BARD1: variants seen among roughly 807,000 people sequenced by gnomAD.
BARD1 encodes the protein BRCA1 associated RING domain 1, also known as BRCA1-associated RING domain protein 1.
Under a neutral mutation model 77.0 loss-of-function variants are expected in BARD1, and 73 were observed. The observed-to-expected ratio is 0.95, with a 90% CI of 0.79 to 1.15. BARD1 has a LOEUF of 1.15. Ranked by LOEUF, BARD1 falls within the 50% of genes most tolerant of loss-of-function variation. The pLI, the probability that BARD1 is intolerant of heterozygous loss-of-function variation, is 0.00. For synonymous variants in BARD1, 384 were observed against 338.0 expected (o/e 1.14, Z -1.49); for missense variants, 993 against 938.8 (o/e 1.06, Z -0.75).
At chr2:214,732,542 C>A (rs746534805) in intron 9 of BARD1, among the ~76,000 whole-genome samples, 1 of 152,062 alleles carries the variant, frequency 6.6e-6, no homozygotes, top group Non-Finnish European at 1.5e-5. Context: ...ACTACAGGCG[C>A]CCGCCACCAT....
chr2:214,782,146 C>T (rs1439091829), intron 3 of BARD1, among the ~76,000 whole-genome samples: 2 of 152,270 alleles, frequency 1.3e-5, no homozygotes, highest in East Asian at 3.9e-4. Flanking sequence ...AGACAATAGT[C>T]ATGACCCTTT....
intron 1 of BARD1, among the ~76,000 whole-genome samples, chr2:214,802,266 T>G (rs557063829): frequency 1.3e-5 from 2 of 152,276 alleles, no homozygotes; most frequent in East Asian, 3.9e-4. Context: ...TAGTATGGTA[T>G]TCAATAAATT....
Position 214,745,073 on chromosome 2 carries a change from A to C in BARD1, c.1897T>G (p.Phe633Val). 1 of 1,613,728 alleles carries C rather than the reference A, an allele frequency of 6.2e-7. No homozygotes were observed. Among genetic ancestry groups the C allele is most frequent in the Non-Finnish European group, 8.5e-7 (1 of 1,179,652 alleles). ...TCTCAAATCCAACACTTACATTCAA[A>C]TTTTAGAATCCAGCATCCATTGAGA... ...GILNGCWILK[F>V]EWVKACLRRK... The change falls in exon 9 of 11, where the codon TTT (phenylalanine) becomes GTT (valine). Residue 633 changes from phenylalanine (F) to valine (V), a missense_variant. Physicochemically the swap from Phe to Val is conservative, Grantham distance 50. Coordinates refer to ENST00000260947, the MANE Select transcript of BARD1 (RefSeq NM_000465.4).
Position 214,780,936 on chromosome 2 carries a change from G to C in BARD1, c.938C>G (p.Ser313Cys), listed in dbSNP as rs202118376. ...VCKNYLTSKKSLPLENNGKRG... is the reference protein window; with the variant it reads ...VCKNYLTSKKCLPLENNGKRG... ...TTTTCCATTATTTTCTAATGGCAAA[G>C]ATTTCTTAGATGTAAGATAATTTTT... The change falls in exon 4 of 11, where the codon TCT becomes TGT. Residue 313 changes from serine to cysteine, a missense_variant. Ser to Cys is a moderately radical substitution (Grantham distance 112, BLOSUM62 -1). Coordinates refer to ENST00000260947, the MANE Select transcript of BARD1 (RefSeq NM_000465.4). 7.4e-6 allele frequency: 12 copies of C among 1,613,766 alleles called. No homozygotes were observed. The South Asian group carries it at 1.3e-4, about 18-fold the overall frequency.
rs762887239 is a variant in BARD1 at position 214,728,697 on chromosome 2, C to T, written c.2313G>A (p.Glu771=). 3 of 1,614,204 alleles carry T rather than the reference C, an allele frequency of 1.9e-6. No individual in the cohort carries two copies. The South Asian group carries it at 3.3e-5, about 18-fold the overall frequency. Residue 771 remains glutamate (E), a synonymous_variant, in exon 11 of 11, where the codon GAG becomes GAA. Coordinates refer to ENST00000260947, the MANE Select transcript of BARD1 (RefSeq NM_000465.4). ...ATATTCAGCTGTCAAGAGGAAGCAACTCAAAGGACATCACACAGTCTATAA... is the reference window on the plus strand; with the variant it reads ...ATATTCAGCTGTCAAGAGGAAGCAATTCAAAGGACATCACACAGTCTATAA... ...SWFIDCVMSF[E]LLPLDS
rs1051680635 is a variant in BARD1 at position 214,726,063 on chromosome 2, G to A, written c.*2613C>T. On this transcript the variant is annotated 3_prime_UTR_variant, in exon 11 of 11. Transcript: ENST00000260947. ...AAAAAAAAAAAAAGGTGGGGGGACCGATGAAATAAAGGAAAAATTCTATTT... is the reference window on the plus strand; with the variant it reads ...AAAAAAAAAAAAAGGTGGGGGGACCAATGAAATAAAGGAAAAATTCTATTT... 1.4e-5 allele frequency: 3 copies of A among 215,650 alleles called. No individual in the cohort carries two copies. The highest frequency in any genetic ancestry group is 2.8e-5 in the Non-Finnish European group (3 of 107,920). 13.4% of individuals were successfully genotyped at this position (215,650 alleles called of 1,614,324 possible). A position where few individuals can be genotyped will look rare whatever the true frequency, so the allele number is the denominator to read the frequency against.
At chr2:214,769,602 A>G (rs1694381247) in intron 4 of BARD1, among the ~76,000 whole-genome samples, 1 of 152,060 alleles carries the variant, frequency 6.6e-6, no homozygotes, top group Non-Finnish European at 1.5e-5. Context: ...CTAGTCGGGC[A>G]TGGTGGTGCC....
intron 9 of BARD1, among the ~76,000 whole-genome samples, chr2:214,743,500 C>T (rs1416661507): frequency 2.6e-5 from 4 of 152,174 alleles, no homozygotes; most frequent in Non-Finnish European, 4.4e-5. Context: ...CCTTCAGTGT[C>T]CAATGTTAAC....
At chr2:214,738,728 A>G (rs1194129818) in intron 9 of BARD1, among the ~76,000 whole-genome samples, 1 of 152,192 alleles carries the variant, frequency 6.6e-6, no homozygotes, top group East Asian at 1.9e-4. Flanking sequence ...GATGGAAGAA[A>G]ACTTCAAAAT....
rs1553622620 is a variant in BARD1, at chr2:214,781,317, C to A, written c.557G>T (p.Ser186Ile). The change falls in exon 4 of 11, where the codon AGT (serine) becomes ATT (isoleucine). Residue 186 changes from serine (S) to isoleucine (I), a missense_variant. Transcript: ENST00000260947. ...QQDSYEFVSP[S>I]PPADVSERAK... ...CCTCTCAGAAACATCTGCAGGAGGACTTGGGGAAACAAATTCATATGAGTC... is the reference window on the plus strand; with the variant it reads ...CCTCTCAGAAACATCTGCAGGAGGAATTGGGGAAACAAATTCATATGAGTC... 6.2e-7 allele frequency: 1 copy of A among 1,612,754 alleles called. No individual in the cohort carries two copies. The highest frequency in any genetic ancestry group is 1.7e-5 in the Admixed American group (1 of 59,892).
chr2:214,805,157 T>C (rs1331278737), intron 1 of BARD1, among the ~76,000 whole-genome samples: 1 of 152,124 alleles, frequency 6.6e-6, no homozygotes, highest in Admixed American at 6.5e-5. Flanking sequence ...GGAGACTCCG[T>C]CTCAGAAAAA....
intron 4 of BARD1, among the ~76,000 whole-genome samples, chr2:214,771,170 G>C (rs1694465984): frequency 1.3e-5 from 2 of 151,976 alleles, no homozygotes; most frequent in African/African-American, 4.8e-5. Context: ...AACAGGGCAG[G>C]GTACAGTACC....
At chr2:214,756,717 G>A (rs545631635) in intron 6 of BARD1, among the ~76,000 whole-genome samples, 136 of 152,174 alleles carry the variant, frequency 8.9e-4, no homozygotes, top group Non-Finnish European at 1.5e-3. Flanking sequence ...TCTAGGTGAC[G>A]TAACTCAGGA....
At chr2:214,730,235 CT>C in intron 10 of BARD1, 175 bp downstream of exon 10, 1 of 634,624 alleles carries the variant, frequency 1.6e-6, no homozygotes, top group Non-Finnish European at 2.8e-6. Flanking sequence ...AAATTATTAC[CT>C]TCTGGATTTT....
At chr2:214,748,264 C>G (rs1285273655) in intron 7 of BARD1, among the ~76,000 whole-genome samples, 2 of 152,104 alleles carry the variant, frequency 1.3e-5, no homozygotes, top group East Asian at 3.9e-4. Flanking sequence ...ATAAAGCAAA[C>G]AGCTGCCAAA....
At position 214,728,923 on chromosome 2, in the gene BARD1, G is replaced by C. The variant is rs1289051833; in HGVS notation, c.2087C>G (p.Thr696Ser). The C allele has an allele frequency of 6.2e-7, 1 of 1,614,198 alleles. No individual in the cohort carries two copies. ...ACTGAGGATCTGGCCCCCACCTGCAGTGACGAGCTTAATAAGGTTGTCCTT... is the reference window on the plus strand; with the variant it reads ...ACTGAGGATCTGGCCCCCACCTGCACTGACGAGCTTAATAAGGTTGTCCTT... ...HPKDNLIKLVTAGGGQILSRK... is the reference protein window; with the variant it reads ...HPKDNLIKLVSAGGGQILSRK... Residue 696 changes from threonine to serine, a missense_variant, in exon 11 of 11, where the codon ACT (threonine) becomes AGT (serine). By Grantham distance (58) the Thr-to-Ser change is moderately conservative. Transcript: ENST00000260947.
intron 1 of BARD1, among the ~76,000 whole-genome samples, chr2:214,803,617 C>T (rs1696131529): frequency 6.6e-6 from 1 of 152,188 alleles, no homozygotes; most frequent in Non-Finnish European, 1.5e-5. Flanking sequence ...TGACCCTCTC[C>T]CCACTATTGT....
At chr2:214,757,714 CCAA>C (rs1693760144) in intron 6 of BARD1, among the ~76,000 whole-genome samples, 1 of 151,992 alleles carries the variant, frequency 6.6e-6, no homozygotes. Context: ...AAAAAATGTA[CCAA>C]CAACTTTTGG....
intron 6 of BARD1, 81 bp downstream of exon 6, chr2:214,767,400 AT>A (rs5031008): frequency 1.4e-6 from 2 of 1,382,608 alleles, no homozygotes; most frequent in Non-Finnish European, 2.0e-6. Context: ...CAACTTGACT[AT>A]TTTAAAGTCT....
Sources: gnomAD v4.1 joint callset for allele counts (sites outside exome capture counted in the v4.1 genomes callset) on GRCh38, gnomAD v4.1.1 for gene constraint, MANE v1.5 for transcripts, NCBI Gene and HGNC (gene_info 2026-07-23, HGNC 2026-07-21) for gene names.